Variants in GTF2A1L observed in about 807,000 individuals in gnomAD.
GTF2A1L encodes the protein TFIIA-alpha and beta-like factor.
Under a neutral mutation model 49.7 loss-of-function variants are expected in GTF2A1L, and 48 were observed. That is an observed-to-expected ratio of 0.97 (90% CI 0.77 to 1.23). The LOEUF is 1.23. GTF2A1L is among the 50% of genes most tolerant of loss of function. The probability of loss-of-function intolerance (pLI) is 0.00; values close to 1 mark genes in which losing one functional copy is unlikely to be tolerated. For missense variants in GTF2A1L, 736 were observed against 564.8 expected, an observed-to-expected ratio of 1.30 and a Z score of -3.07; for synonymous variants, 246 against 193.5, an observed-to-expected ratio of 1.27 and a Z score of -2.25.
chr2:48,668,722 C>G (rs1678997891), intron 6 of GTF2A1L: 1 of 152,124 alleles, frequency 6.6e-6, no homozygotes, highest in South Asian at 2.1e-4. Flanking sequence ...GTAGTCCCAG[C>G]TACTTGGGAG....
chr2:48,663,664 A>G (rs1369295794), intron 6 of GTF2A1L, among the ~76,000 whole-genome samples: 1 of 152,184 alleles, frequency 6.6e-6, no homozygotes, highest in Non-Finnish European at 1.5e-5. Context: ...ATTTTGAGAC[A>G]GGGTCTTGCT....
At chr2:48,671,287 C>G (rs779144211) in intron 7 of GTF2A1L, among the ~76,000 whole-genome samples, 1 of 152,154 alleles carries the variant, frequency 6.6e-6, no homozygotes, top group South Asian at 2.1e-4. Flanking sequence ...ACTGCAGCCT[C>G]AACTTACTGG....
At chr2:48,641,447 A>G (rs1344389314) in intron 3 of GTF2A1L, among the ~76,000 whole-genome samples, 3 of 152,134 alleles carry the variant, frequency 2.0e-5, no homozygotes, top group Non-Finnish European at 4.4e-5. Context: ...AATGTCAGGA[A>G]CAGATCTTTG....
intron 6 of GTF2A1L, among the ~76,000 whole-genome samples, chr2:48,656,727 T>C (rs1678199036): frequency 6.6e-6 from 1 of 152,224 alleles, no homozygotes; most frequent in African/African-American, 2.4e-5. Context: ...TTTTTTTCTT[T>C]TGTTGCCTAT....
chr2:48,642,346 AT>A (rs1332170430), intron 3 of GTF2A1L, 55 bp from the exon 4 acceptor site: 2 of 1,446,156 alleles, frequency 1.4e-6, no homozygotes, highest in Non-Finnish European at 1.9e-6. Context: ...ATATTTAGTG[AT>A]TTTATTAAAT....
At chr2:48,657,102 G>A (rs188819208) in intron 6 of GTF2A1L, among the ~76,000 whole-genome samples, 10 of 152,042 alleles carry the variant, frequency 6.6e-5, no homozygotes, top group South Asian at 4.1e-4. Context: ...ATTATTTATC[G>A]TTTCAGCTTT....
chr2:48,664,750 T>TTG (rs1678717804), intron 6 of GTF2A1L, among the ~76,000 whole-genome samples: 1 of 152,214 alleles, frequency 6.6e-6, no homozygotes, highest in African/African-American at 2.4e-5. Flanking sequence ...AATGGATTTA[T>TTG]CCATTTTACT....
At chr2:48,639,948 G>T (rs1191712704) in intron 3 of GTF2A1L, among the ~76,000 whole-genome samples, 1 of 152,150 alleles carries the variant, frequency 6.6e-6, no homozygotes, top group Non-Finnish European at 1.5e-5. Context: ...ATGAAAAAAA[G>T]CTCAATATTA....
intron 6 of GTF2A1L, among the ~76,000 whole-genome samples, chr2:48,648,429 T>C (rs1404081223): frequency 6.6e-6 from 1 of 152,096 alleles, no homozygotes; most frequent in East Asian, 1.9e-4. Context: ...GGACTTATTC[T>C]ACTGTTATGT....
At chr2:48,676,078 ATTTC>A (rs1163134245) in intron 8 of GTF2A1L, among the ~76,000 whole-genome samples, 2 of 151,870 alleles carry the variant, frequency 1.3e-5, no homozygotes, top group African/African-American at 4.8e-5. Flanking sequence ...TTTTCATCGA[ATTTC>A]TTTATTCAAA....
At chr2:48,639,516 A>G (rs1395723511) in intron 3 of GTF2A1L, among the ~76,000 whole-genome samples, 1 of 152,128 alleles carries the variant, frequency 6.6e-6, no homozygotes, top group East Asian at 1.9e-4. Flanking sequence ...CTGAAGCTGG[A>G]CCCCTTTCTT....
At chr2:48,638,269 C>T (rs1677012901) in intron 3 of GTF2A1L, among the ~76,000 whole-genome samples, 1 of 152,086 alleles carries the variant, frequency 6.6e-6, no homozygotes, top group African/African-American at 2.4e-5. Flanking sequence ...CTGGGAGAGA[C>T]ACAACAAAGA....
chr2:48,638,376 C>T (rs752736843), intron 3 of GTF2A1L, among the ~76,000 whole-genome samples: 19 of 152,304 alleles, frequency 1.2e-4, no homozygotes, highest in South Asian at 4.1e-4. Flanking sequence ...AGCTAATCCA[C>T]CATGATCAAG....
chr2:48,622,769 G>A (rs1223338070), intron 3 of GTF2A1L, among the ~76,000 whole-genome samples: 5 of 151,720 alleles, frequency 3.3e-5, no homozygotes, highest in Non-Finnish European at 7.4e-5. Flanking sequence ...GGGAGGCAGA[G>A]GTTGTAGTGA....
At chr2:48,621,382 A>C in intron 3 of GTF2A1L, 92 bp downstream of exon 3, 1 of 1,556,112 alleles carries the variant, frequency 6.4e-7, no homozygotes, top group Non-Finnish European at 8.7e-7. Flanking sequence ...TAATGTTCTT[A>C]GGGTGAGAAG....
chr2:48,620,815 AAAT>A (rs1675948571), intron 1 of GTF2A1L, 33 bp from the exon 2 acceptor site: 12 of 1,156,716 alleles, frequency 1.0e-5, no homozygotes, highest in Admixed American at 9.5e-5. Context: ...ATAAATAAAT[AAAT>A]AAAATGAAAC....
At chr2:48,650,619 A>G (rs976684768) in intron 6 of GTF2A1L, among the ~76,000 whole-genome samples, 2 of 152,194 alleles carry the variant, frequency 1.3e-5, no homozygotes, top group African/African-American at 4.8e-5. Flanking sequence ...TCTATATGCC[A>G]TTGTGAAATT....
chr2:48,678,334 C>T (rs1679584965), intron 8 of GTF2A1L, among the ~76,000 whole-genome samples: 2 of 152,026 alleles, frequency 1.3e-5, no homozygotes, highest in African/African-American at 2.4e-5. Context: ...GTGCAAGTGA[C>T]TGTGCAAGAC....
At chr2:48,631,897 C>T (rs932825172) in intron 3 of GTF2A1L, among the ~76,000 whole-genome samples, 1 of 152,042 alleles carries the variant, frequency 6.6e-6, no homozygotes, top group Non-Finnish European at 1.5e-5. Flanking sequence ...TTGATTTCTG[C>T]CTTAACTTTG....
Sources: allele counts gnomAD v4.1 joint callset (sites outside exome capture counted in the v4.1 genomes callset), GRCh38; gene constraint gnomAD v4.1.1; transcripts MANE v1.5; gene names NCBI Gene and HGNC (gene_info 2026-07-23, HGNC 2026-07-21).